PRDM10: variants seen among roughly 807,000 people sequenced by gnomAD.
The protein encoded by PRDM10 is PR domain zinc finger protein 10.
In PRDM10, 65 loss-of-function variants were observed where a neutral mutation model predicts 133.1. The ratio of observed to expected loss-of-function variants is 0.49; its 90% confidence interval spans 0.40 to 0.60. PRDM10 has a LOEUF of 0.60. Ranked by LOEUF, PRDM10 falls within the 20% of genes least tolerant of loss-of-function variation. The pLI is 0.00. For missense variants in PRDM10, 1,137 were observed against 1,507.1 expected, an observed-to-expected ratio of 0.75 and a Z score of 4.07; for synonymous variants, 582 against 580.4, an observed-to-expected ratio of 1.00 and a Z score of -0.04.
chr11:129,961,103 A>T (rs78870213), intron 1 of PRDM10, 21 bp from the exon 2 acceptor site: 5,781 of 574,438 alleles, frequency 0.01, 143 homozygotes, highest in African/African-American at 0.075. Flanking sequence ...ACAGAAAAGG[A>T]ACCAAGACTT....
At position 129,945,527 on chromosome 11, in the gene PRDM10, G is replaced by A. The variant is rs146754851; in HGVS notation, c.521-515C>T. 3.9e-5 allele frequency among the ~76,000 whole-genome samples: 6 copies of A among 152,246 alleles called. No homozygotes were observed. The highest frequency in any genetic ancestry group is 1.2e-4 in the African/African-American group (5 of 41,548). On this transcript the variant is annotated intron_variant, in intron 5 of 20. Transcript: ENST00000360871. The surrounding 1 kb of genome is among the most constrained non-coding windows in gnomAD (Gnocchi z 4.2). ...AACTCAAACGGAAAAAGGGTTGTGC[G>A]GTCTGAGAGTTCAGTGCATACTGTC... is the stretch of plus-strand genomic sequence containing the variant.
At chr11:129,943,951 C>T (rs1376822845) in intron 6 of PRDM10, among the ~76,000 whole-genome samples, 8 of 152,078 alleles carry the variant, frequency 5.3e-5, no homozygotes, top group Non-Finnish European at 1.0e-4. Context: ...GAGATTGCAC[C>T]ACTGCACTTC....
intron 1 of PRDM10, among the ~76,000 whole-genome samples, chr11:129,988,924 C>G (rs1478054006): frequency 1.3e-5 from 2 of 152,080 alleles, no homozygotes; most frequent in Non-Finnish European, 2.9e-5. Flanking sequence ...CCACTGCGCC[C>G]GGCCAAGTCA....
chr11:129,993,773 C>G (rs138911671), intron 1 of PRDM10, among the ~76,000 whole-genome samples: 2 of 152,156 alleles, frequency 1.3e-5, no homozygotes, highest in Non-Finnish European at 1.5e-5. Context: ...CGTGAGCCAC[C>G]GCGCCTGGCC....
chr11:129,958,194 G>A (rs968616978), intron 2 of PRDM10, among the ~76,000 whole-genome samples: 22 of 152,206 alleles, frequency 1.4e-4, no homozygotes, highest in African/African-American at 4.8e-4. Flanking sequence ...AAACGACACT[G>A]AAGATTCCTG....
intron 7 of PRDM10, among the ~76,000 whole-genome samples, chr11:129,937,885 T>G (rs924068786): frequency 6.6e-6 from 1 of 152,256 alleles, no homozygotes; most frequent in Non-Finnish European, 1.5e-5. Context: ...TGTTTTCTTT[T>G]TCAGAAAATG....
At chr11:129,987,927 G>A (rs764574201) in intron 1 of PRDM10, among the ~76,000 whole-genome samples, 6 of 152,324 alleles carry the variant, frequency 3.9e-5, no homozygotes, top group Non-Finnish European at 8.8e-5. Flanking sequence ...CCTGAACCCA[G>A]GAGGCGGAGC....
chr11:129,981,114 G>A (rs1232575242), intron 1 of PRDM10, among the ~76,000 whole-genome samples: 6 of 151,970 alleles, frequency 3.9e-5, no homozygotes, highest in African/African-American at 1.5e-4. Context: ...CAGGTGATCC[G>A]CCTGCCCGGG....
chr11:129,929,319 C>T, intron 11 of PRDM10: 1 of 1,273,310 alleles, frequency 7.9e-7, no homozygotes, highest in Non-Finnish European at 1.1e-6. Flanking sequence ...CTGTGGTTTC[C>T]ACCAGGATTT....
chr11:130,000,916 G>A (rs1939325714), intron 1 of PRDM10, among the ~76,000 whole-genome samples: 1 of 152,130 alleles, frequency 6.6e-6, no homozygotes, highest in Non-Finnish European at 1.5e-5. Flanking sequence ...TAACCATCCT[G>A]GGCAAAATGA....
chr11:129,908,416 G>T (rs568180812), intron 19 of PRDM10, among the ~76,000 whole-genome samples: 12 of 151,040 alleles, frequency 7.9e-5, no homozygotes, highest in African/African-American at 2.4e-4. Flanking sequence ...AGCTGCAGGA[G>T]CCACGATCAT....
chr11:129,982,805 C>T (rs2135972629), intron 1 of PRDM10, among the ~76,000 whole-genome samples: 1 of 151,878 alleles, frequency 6.6e-6, no homozygotes, highest in South Asian at 2.1e-4. Flanking sequence ...ACAAGAAATA[C>T]AAAAATTAGC....
rs1336626417 is a variant in PRDM10, at chr11:129,961,097, A to G, written c.-118-15T>C. On this transcript the variant is annotated splice_polypyrimidine_tract_variant and intron_variant, in intron 1 of 20. Coordinates refer to ENST00000360871, the MANE Select transcript of PRDM10 (RefSeq NM_199437.2). ...CTGCAGCATGCCTGAGAAAACACAG[A>G]AAAGGAACCAAGACTTTCAGTAGAT... The G allele has an allele frequency of 2.4e-5, 14 of 585,828 alleles. No homozygotes were observed. In the East Asian group the frequency reaches 4.0e-4, roughly 17 times the overall value. The allele number at this position is 585,828 out of a possible 1,614,324, so 36.3% of individuals were successfully genotyped here.
At chr11:129,964,836 A>T (rs1951871690) in intron 1 of PRDM10, among the ~76,000 whole-genome samples, 1 of 152,120 alleles carries the variant, frequency 6.6e-6, no homozygotes, top group African/African-American at 2.4e-5. Flanking sequence ...AGTTAAAGTG[A>T]TTATCTATCA....
In PRDM10 at chr11:129,918,783, T is replaced by C; in HGVS notation, c.2035-65A>G. ...GGTAGAAAATTTTTAACTGAAGGGA[T>C]CATTTTAAAAATCAATACAAATTAG... On this transcript the variant is annotated intron_variant, in intron 13 of 20. Coordinates refer to ENST00000360871, the MANE Select transcript of PRDM10 (RefSeq NM_199437.2). The surrounding 1 kb of genome is among the most constrained non-coding windows in gnomAD (Gnocchi z 5.3). 7.0e-7 allele frequency: 1 copy of C among 1,435,788 alleles called. No homozygotes were observed. The highest frequency in any genetic ancestry group is 9.5e-7 in the Non-Finnish European group (1 of 1,051,062). 88.9% of individuals were successfully genotyped at this position (1,435,788 alleles called of 1,614,324 possible).
In PRDM10 at chr11:129,945,014, T is replaced by TG; in HGVS notation, c.521-3dup. ...GCGCGTTATTGCACTCCTCACACCC[T>TG]GCAAAAGAGAGACAGTCTTGAAGAA... On this transcript the variant is annotated splice_polypyrimidine_tract_variant and splice_region_variant and intron_variant, in intron 5 of 20. Transcript: ENST00000360871. This position sits in a 1 kb window ranked among gnomAD's most constrained non-coding sequence, Gnocchi z 4.2. 1 of 1,609,728 alleles carries TG rather than the reference T, an allele frequency of 6.2e-7. No homozygotes were observed. The highest frequency in any genetic ancestry group is 8.5e-7 in the Non-Finnish European group (1 of 1,178,926).
chr11:129,975,444 A>C (rs557248443), intron 1 of PRDM10, among the ~76,000 whole-genome samples: 2 of 151,966 alleles, frequency 1.3e-5, no homozygotes, highest in Non-Finnish European at 2.9e-5. Flanking sequence ...AAAAATTTAC[A>C]CCTAAAAATA....
chr11:129,971,298 A>T (rs1330740364), intron 1 of PRDM10, among the ~76,000 whole-genome samples: 1 of 152,174 alleles, frequency 6.6e-6, no homozygotes, highest in Non-Finnish European at 1.5e-5. Flanking sequence ...TTATTCTCTT[A>T]TCTGGCCCCA....
intron 4 of PRDM10, among the ~76,000 whole-genome samples, chr11:129,949,055 T>A (rs1951509405): frequency 6.6e-6 from 1 of 152,216 alleles, no homozygotes; most frequent in South Asian, 2.1e-4. Flanking sequence ...TGCCAAGATC[T>A]TTAGACTTCA....
Sources: gnomAD v4.1 joint callset for allele counts (sites outside exome capture counted in the v4.1 genomes callset) on GRCh38, gnomAD v4.1.1 for gene constraint, Gnocchi (gnomAD v3.1) non-coding constraint, MANE v1.5 for transcripts, NCBI Gene and HGNC (gene_info 2026-07-23, HGNC 2026-07-21) for gene names.